Variants in KLK8 observed in about 807,000 individuals in gnomAD.
KLK8 encodes the protein kallikrein-8.
In KLK8, 18 loss-of-function variants were observed where a neutral mutation model predicts 26.7. The observed-to-expected ratio is 0.67, with a 90% CI of 0.47 to 1.00. The LOEUF is 1.00. Ranked by LOEUF, KLK8 falls within the 50% of genes least tolerant of loss-of-function variation. KLK8 has a pLI of 0.00. For missense variants in KLK8, 301 were observed against 331.7 expected (o/e 0.91, Z 0.72); for synonymous variants, 137 against 127.1 (o/e 1.08, Z -0.52).
intron 3 of KLK8, 52 bp from the exon 3 acceptor site, chr19:51,000,635 G>C: frequency 6.2e-7 from 1 of 1,600,516 alleles, no homozygotes. Context: ...CAGTGCGAGG[G>C]CTGGGAAGGC....
intron 6 of KLK8, 41 bp from the exon 6 acceptor site, chr19:50,996,255 C>T (rs202084150): frequency 1.3e-6 from 2 of 1,596,994 alleles, no homozygotes; most frequent in East Asian, 2.2e-5. Context: ...TCTGAGATGT[C>T]CACAACGTCC....
intron 3 of KLK8, 103 bp downstream of exon 2, chr19:51,000,994 GT>G (rs2091219310): frequency 9.0e-7 from 1 of 1,112,234 alleles, no homozygotes. Context: ...CTTCACATCC[GT>G]GCACACGCAC....
intron 5 of KLK8, 32 bp downstream of exon 4, chr19:50,999,964 C>T (rs1160875746): frequency 1.3e-6 from 2 of 1,562,944 alleles, no homozygotes; most frequent in Admixed American, 3.5e-5. Context: ...CCAGCTCCTC[C>T]TCTCCCTCCC....
chr19:50,997,015 T>A (rs2091176523), intron 6 of KLK8, among the ~76,000 whole-genome samples: 1 of 151,912 alleles, frequency 6.6e-6, no homozygotes, highest in East Asian at 1.9e-4. Context: ...AGAGACTGGC[T>A]TTCATGGCAG....
At position 50,999,989 on chromosome 19, in the gene KLK8, C is replaced by T; in HGVS notation, c.493+7G>A. 6.3e-7 allele frequency: 1 copy of T among 1,584,670 alleles called. No individual in the cohort carries two copies. The highest frequency in any genetic ancestry group is 8.6e-7 in the Non-Finnish European group (1 of 1,157,702). ...CTCTCCCTCCCATTAGTGGACAAGCCCACTACCTCGGGGACTGGTGACAGT... is the reference window on the plus strand; with the variant it reads ...CTCTCCCTCCCATTAGTGGACAAGCTCACTACCTCGGGGACTGGTGACAGT... On this transcript the variant is annotated splice_region_variant and intron_variant, in intron 5 of 6. Transcript: ENST00000600767.
chr19:50,997,994 T>G (rs761354140), intron 5 of KLK8, 110 bp from the exon 5 acceptor site: 23 of 1,371,530 alleles, frequency 1.7e-5, no homozygotes, highest in Non-Finnish European at 2.0e-5. Context: ...GTTTTCCAGC[T>G]GCATGGGGGA....
At chr19:51,000,367 C>G (rs778429477) in intron 4 of KLK8, 57 bp downstream of exon 3, 4 of 1,553,110 alleles carry the variant, frequency 2.6e-6, no homozygotes, top group African/African-American at 1.4e-5. Flanking sequence ...TGAGTCGAAA[C>G]CCCAGCCCCC....
chr19:50,999,760 C>G (rs181441892), intron 5 of KLK8, among the ~76,000 whole-genome samples: 28 of 152,146 alleles, frequency 1.8e-4, no homozygotes, highest in South Asian at 8.3e-4. Flanking sequence ...CTCCGCCATA[C>G]AGGATGGGCT....
intron 2 of KLK8, 64 bp downstream of exon 1, chr19:51,001,468 C>A: frequency 2.5e-6 from 1 of 403,778 alleles, no homozygotes; most frequent in South Asian, 3.3e-5. Context: ...AGGCTGGGGT[C>A]CTGGAATCTG....
At chr19:50,996,933 CA>C (rs34093662) in intron 6 of KLK8, among the ~76,000 whole-genome samples, 35,723 of 129,872 alleles carry the variant, frequency 0.28, 4,533 homozygotes, top group Admixed American at 0.32. Flanking sequence ...CACACACACA[CA>C]CACACCATAT....
chr19:51,000,841 C>G, intron 3 of KLK8: 1 of 1,040,764 alleles, frequency 9.6e-7, no homozygotes, highest in Non-Finnish European at 1.4e-6. Flanking sequence ...TGAATCTATG[C>G]CCCCAAGCAA....
At chr19:51,000,829 G>A (rs988091832) in intron 3 of KLK8, 74 of 1,124,556 alleles carry the variant, frequency 6.6e-5, no homozygotes, top group Non-Finnish European at 6.8e-5. Context: ...AGTACTCCCA[G>A]GTGAATCTAT....
chr19:51,001,029 C>A, intron 3 of KLK8, 69 bp downstream of exon 2: 2 of 1,435,932 alleles, frequency 1.4e-6, no homozygotes, highest in East Asian at 2.4e-5. Flanking sequence ...GCGGCATTCC[C>A]ACAGACTCCC....
At chr19:50,999,753 C>G (rs759195432) in intron 5 of KLK8, among the ~76,000 whole-genome samples, 1 of 151,924 alleles carries the variant, frequency 6.6e-6, no homozygotes, top group Non-Finnish European at 1.5e-5. Context: ...TAGTGCTCTC[C>G]GCCATACAGG....
intron 6 of KLK8, among the ~76,000 whole-genome samples, chr19:50,996,756 G>T (rs116653710): frequency 0.014 from 1,977 of 139,988 alleles, 41 homozygotes; most frequent in African/African-American, 0.049. Context: ...AAGAGTTCTC[G>T]AGGGTCCAAT....
chr19:51,001,104 A>G, exon 3 of KLK8: 1 of 1,611,946 alleles, frequency 6.2e-7, no homozygotes, highest in South Asian at 1.1e-5. Context: ...TCACCTGCCC[A>G]GGCTCCCCCC....
At chr19:51,001,149 G>C (rs1408396285) in exon 3 of KLK8, 3 of 1,613,464 alleles carry the variant, frequency 1.9e-6, no homozygotes, top group Non-Finnish European at 8.5e-7. Context: ...TTGGCCGCAC[G>C]AGGTCGGGGG....
intron 5 of KLK8, 33 bp from the exon 5 acceptor site, chr19:50,997,917 A>C: frequency 1.2e-6 from 2 of 1,612,430 alleles, no homozygotes; most frequent in Non-Finnish European, 1.7e-6. Flanking sequence ...GTTCCCTGAG[A>C]GAGCAGCCCT....
exon 7 of KLK8, chr19:50,996,104 G>A: frequency 6.2e-7 from 1 of 1,614,214 alleles, no homozygotes; most frequent in Non-Finnish European, 8.5e-7. Flanking sequence ...CCAGGTAGCG[G>A]CAGATGTTGG....
Sources: gnomAD v4.1 joint callset for allele counts (sites outside exome capture counted in the v4.1 genomes callset) on GRCh38, gnomAD v4.1.1 for gene constraint, MANE v1.5 for transcripts, NCBI Gene and HGNC (gene_info 2026-07-23, HGNC 2026-07-21) for gene names.